INO80: variants seen among roughly 807,000 people sequenced by gnomAD.
INO80 encodes the protein INO80 complex ATPase subunit.
Under a neutral mutation model 203.4 loss-of-function variants are expected in INO80, and 20 were observed. The ratio of observed to expected loss-of-function variants is 0.10; its 90% confidence interval spans 0.07 to 0.14. INO80 has a LOEUF of 0.14. Among genes scored for constraint, INO80 ranks in the 10% least tolerant of loss-of-function variants. The pLI is 1.00. For missense variants in INO80, 1,419 were observed against 1,914.4 expected (o/e 0.74, Z 4.83); for synonymous variants, 726 against 685.2 (o/e 1.06, Z -0.93).
chr15:41,024,296 G>A (rs1024979360), intron 25 of INO80, among the ~76,000 whole-genome samples: 2 of 152,132 alleles, frequency 1.3e-5, no homozygotes, highest in African/African-American at 4.8e-5. Context: ...TACTTATGAG[G>A]TCCAAAAGAG....
At chr15:41,039,814 C>G (rs1220535245) in intron 24 of INO80, among the ~76,000 whole-genome samples, 1 of 152,248 alleles carries the variant, frequency 6.6e-6, no homozygotes, top group Admixed American at 6.5e-5. Flanking sequence ...TGAGTCTCCA[C>G]TCTACCACCA....
At chr15:41,079,925 A>G in intron 8 of INO80, 21 bp from the exon 9 acceptor site, 1 of 1,610,870 alleles carries the variant, frequency 6.2e-7, no homozygotes, top group Non-Finnish European at 8.5e-7. Flanking sequence ...CAACAGCATT[A>G]CAGCGGAAAG....
At chr15:41,077,924 G>A (rs1596313455) in intron 9 of INO80, among the ~76,000 whole-genome samples, 1 of 144,654 alleles carries the variant, frequency 6.9e-6, no homozygotes, top group Non-Finnish European at 1.5e-5. Context: ...TTTTTGAGAT[G>A]GATTCTTCCT....
chr15:40,980,279 G>C lies in INO80; in HGVS notation c.4615C>G (p.Pro1539Ala). The C allele has an allele frequency of 1.2e-6, 2 of 1,613,636 alleles. No individual in the cohort carries two copies. Among genetic ancestry groups the C allele is most frequent in the Non-Finnish European group, 1.7e-6 (2 of 1,180,022 alleles). ...CCCTGTTTCCGGACCAGAGAGTCTG[G>C]GGCTAGGCTGCTGGTCATGTGGAGG... ...KNLHMTSSLAPDSLVRKQGKG... is the reference protein window; with the variant it reads ...KNLHMTSSLAADSLVRKQGKG... The change falls in exon 36 of 36, where the codon CCA (proline) becomes GCA (alanine). Residue 1539 changes from proline to alanine, a missense_variant. By Grantham distance (27) the Pro-to-Ala change is conservative. Around this residue, in one of 9 missense-constraint regions of INO80, gnomAD observed 112 missense variants for 106.2 expected, o/e 1.05. Transcript: ENST00000648947.
rs560668200 is a variant in INO80, at chr15:41,028,725, G to A, written c.2908-989C>T. Reference sequence around the variant, plus strand: ...TACAGAAATTAGCCAGCATGGTGGCGGATGCCTGTAATCCCAGCTACTCAG... The same window carrying A: ...TACAGAAATTAGCCAGCATGGTGGCAGATGCCTGTAATCCCAGCTACTCAG... On this transcript the variant is annotated intron_variant, in intron 24 of 35. Transcript: ENST00000648947. 3.9e-5 allele frequency among the ~76,000 whole-genome samples: 6 copies of A among 152,282 alleles called. 1 individual carries two copies. Among genetic ancestry groups the A allele is most frequent in the South Asian group, 4.1e-4 (2 of 4,830 alleles).
chr15:41,013,860 ATTTGC>A (rs2044165830), intron 27 of INO80, among the ~76,000 whole-genome samples: 1 of 152,202 alleles, frequency 6.6e-6, no homozygotes, highest in South Asian at 2.1e-4. Flanking sequence ...CAGGCTTTGA[ATTTGC>A]ATTTCCCTAA....
rs1205853962 is a variant in INO80 at position 41,107,540 on chromosome 15, C to CTA, written c.-44+8431_-44+8432dup. Among the ~76,000 whole-genome samples, 9 of 152,092 alleles carry CTA rather than the reference C, an allele frequency of 5.9e-5. No homozygotes were observed. In the East Asian group the frequency reaches 1.7e-3, roughly 29 times the overall value. ...CTAGGCCAGGTGTGATGGCTCATGCCTATAATCCCAGCACTTTGGGAGGCC... is the reference window on the plus strand; with the variant it reads ...CTAGGCCAGGTGTGATGGCTCATGCCTATATAATCCCAGCACTTTGGGAGGCC... On this transcript the variant is annotated intron_variant, in intron 1 of 35. Coordinates refer to ENST00000648947, the MANE Select transcript of INO80 (RefSeq NM_017553.3).
At chr15:41,001,783 G>C (rs1006750226) in intron 28 of INO80, among the ~76,000 whole-genome samples, 15 of 152,176 alleles carry the variant, frequency 9.9e-5, no homozygotes, top group Admixed American at 9.8e-4. Context: ...AATGTAAATG[G>C]CTTTTTATAG....
At chr15:41,102,402 T>G (rs2045822791) in intron 1 of INO80, among the ~76,000 whole-genome samples, 1 of 152,192 alleles carries the variant, frequency 6.6e-6, no homozygotes, top group South Asian at 2.1e-4. Context: ...GCGCAGTGGC[T>G]CATGCCTGTA....
chr15:41,021,346 A>C (rs2044291430), intron 25 of INO80, among the ~76,000 whole-genome samples: 1 of 152,204 alleles, frequency 6.6e-6, no homozygotes, highest in Non-Finnish European at 1.5e-5. Context: ...AAACAAACTA[A>C]AGATCCAAAG....
In INO80 at chr15:41,047,499, T is replaced by C. The variant is rs34153025; in HGVS notation, c.2644A>G (p.Ile882Val). The change falls in exon 23 of 36, where the codon ATT (isoleucine) becomes GTT (valine). Residue 882 changes from isoleucine to valine, a missense_variant and splice_region_variant. This residue lies in a region of INO80 where 302 missense variants were observed against 345.4 expected (regional missense o/e 0.87). Transcript: ENST00000648947. ...AAAGAGAAACAGCTTTCTTCATTAA[T>C]ACCTGAAATATAAAAGACAATTTGA... ...IQRSLFHRKG[I>V]NEESCFSFLR... is the part of the protein sequence containing the mutation. 0.019 allele frequency: 29,751 copies of C among 1,596,270 alleles called. 356 individuals are homozygous for C. The highest frequency in any genetic ancestry group is 0.022 in the Non-Finnish European group (25,301 of 1,166,552).
chr15:41,080,905 C>A, intron 8 of INO80, 115 bp downstream of exon 8: 1 of 721,628 alleles, frequency 1.4e-6, no homozygotes, highest in South Asian at 1.6e-5. Flanking sequence ...CTCTTACGAA[C>A]TATTAGATTC....
chr15:41,015,411 T>C (rs1202940287), intron 27 of INO80, among the ~76,000 whole-genome samples: 1 of 152,208 alleles, frequency 6.6e-6, no homozygotes, highest in Non-Finnish European at 1.5e-5. Context: ...TCAGGTTGAA[T>C]AGCTGTTCTC....
intron 4 of INO80, 81 bp from the exon 5 acceptor site, chr15:41,092,263 A>G (rs2045656851): frequency 1.7e-6 from 2 of 1,148,478 alleles, no homozygotes; most frequent in East Asian, 5.0e-5. Context: ...CCTAGATCCA[A>G]AACAATGACA....
chr15:41,092,549 A>G (rs2045660728), intron 4 of INO80, among the ~76,000 whole-genome samples: 1 of 152,216 alleles, frequency 6.6e-6, no homozygotes, highest in African/African-American at 2.4e-5. Context: ...TATAGAAAGC[A>G]AGCTGTAATG....
chr15:41,047,732 C>T (rs2044793987), intron 22 of INO80, among the ~76,000 whole-genome samples: 1 of 152,106 alleles, frequency 6.6e-6, no homozygotes. Context: ...AGAGATGGCT[C>T]CTACATTACC....
intron 5 of INO80, among the ~76,000 whole-genome samples, chr15:41,089,593 A>G (rs1940758064): frequency 6.6e-6 from 1 of 152,136 alleles, no homozygotes; most frequent in African/African-American, 2.4e-5. Context: ...AAAATACAAA[A>G]ATAGCCAGGC....
chr15:41,098,443 A>C (rs2045757066), intron 1 of INO80, among the ~76,000 whole-genome samples: 1 of 152,140 alleles, frequency 6.6e-6, no homozygotes, highest in African/African-American at 2.4e-5. Context: ...GGGAGACTGA[A>C]GTGGGAGGAT....
chr15:41,089,650 G>A (rs2045606148), intron 5 of INO80, among the ~76,000 whole-genome samples: 1 of 152,114 alleles, frequency 6.6e-6, no homozygotes, highest in Non-Finnish European at 1.5e-5. Context: ...GACTGAGGCA[G>A]GAGTACTGCT....
Sources: allele counts gnomAD v4.1 joint callset (sites outside exome capture counted in the v4.1 genomes callset), GRCh38; gene constraint gnomAD v4.1.1; regional missense constraint gnomAD v4.1.1; transcripts MANE v1.5; gene names NCBI Gene and HGNC (gene_info 2026-07-23, HGNC 2026-07-21).